Variants in NUBPL observed in about 807,000 individuals in gnomAD.
NUBPL encodes the protein iron-sulfur cluster transfer protein NUBPL.
A neutral mutation model predicts 45.7 loss-of-function variants in NUBPL; 31 were observed. The observed-to-expected ratio is 0.68, with a 90% CI of 0.51 to 0.92. The LOEUF (loss-of-function observed/expected upper bound fraction) is 0.92. Among genes scored for constraint, NUBPL ranks in the 40% least tolerant of loss-of-function variants. The pLI is 0.00. For missense variants in NUBPL, 401 were observed against 398.7 expected (o/e 1.01, Z -0.05); for synonymous variants, 144 against 140.9 (o/e 1.02, Z -0.15).
chr14:31,663,507 A>G (rs1396565164), intron 4 of NUBPL, among the ~76,000 whole-genome samples: 1 of 152,136 alleles, frequency 6.6e-6, no homozygotes, highest in Non-Finnish European at 1.5e-5. Context: ...TCCTTTTCCT[A>G]TTGCCTGTTT....
intron 7 of NUBPL, among the ~76,000 whole-genome samples, chr14:31,823,654 G>A (rs1489626998): frequency 6.6e-6 from 1 of 152,088 alleles, no homozygotes; most frequent in Non-Finnish European, 1.5e-5. Flanking sequence ...CATAGAGATA[G>A]CTGAGTCCTT....
intron 6 of NUBPL, among the ~76,000 whole-genome samples, chr14:31,678,799 C>CT (rs2036760935): frequency 6.6e-6 from 1 of 152,208 alleles, no homozygotes; most frequent in Middle Eastern, 3.4e-3. Context: ...TGGCTGGTGT[C>CT]TTAGTAGGTT....
At chr14:31,826,521 TAA>T (rs766710415) in intron 7 of NUBPL, 106 bp from the exon 8 acceptor site, 50 of 925,958 alleles carry the variant, frequency 5.4e-5, no homozygotes, top group Non-Finnish European at 8.0e-5. Flanking sequence ...ATGAATGACC[TAA>T]ATAGTTAACG....
intron 4 of NUBPL, among the ~76,000 whole-genome samples, chr14:31,612,371 AGGTGC>A (rs1248144610): frequency 2.0e-5 from 3 of 152,236 alleles, no homozygotes; most frequent in Non-Finnish European, 4.4e-5. Flanking sequence ...GCATATGAAA[AGGTGC>A]TCAACAGGCT....
chr14:31,653,188 A>T (rs189125803), intron 4 of NUBPL, among the ~76,000 whole-genome samples: 3 of 152,348 alleles, frequency 2.0e-5, no homozygotes, highest in African/African-American at 7.2e-5. Flanking sequence ...ATGAGGTTCT[A>T]TGGTCAGCTG....
intron 3 of NUBPL, among the ~76,000 whole-genome samples, chr14:31,595,650 T>G (rs2034262616): frequency 6.6e-6 from 1 of 152,190 alleles, no homozygotes. Flanking sequence ...TCTAACAGTG[T>G]AAAACTGGAA....
chr14:31,763,778 G>A (rs1363849668), intron 6 of NUBPL, among the ~76,000 whole-genome samples: 1 of 152,112 alleles, frequency 6.6e-6, no homozygotes, highest in Non-Finnish European at 1.5e-5. Context: ...GTTTGATGCA[G>A]TTTTGCAAAA....
intron 6 of NUBPL, among the ~76,000 whole-genome samples, chr14:31,700,581 C>T (rs2037309729): frequency 6.6e-6 from 1 of 152,072 alleles, no homozygotes; most frequent in Admixed American, 6.5e-5. Flanking sequence ...TGCATGTGGC[C>T]CTTGCAGGCC....
Position 31,561,421 on chromosome 14 carries a change from C to G in NUBPL, c.-19C>G, listed in dbSNP as rs779738320. 3.7e-6 allele frequency: 5 copies of G among 1,361,570 alleles called. No homozygotes were observed. Among genetic ancestry groups the G allele is most frequent in the Non-Finnish European group, 4.8e-6 (5 of 1,041,702 alleles). 84.3% of individuals were successfully genotyped at this position (1,361,570 alleles called of 1,614,324 possible). On this transcript the variant is annotated 5_prime_UTR_variant, in exon 1 of 11. Transcript: ENST00000281081. ...CCCGCGACAGTTTCCCAGCAGGGCTCACAGCAGCGTTCCGCGTCATGGGGA... is the reference window on the plus strand; with the variant it reads ...CCCGCGACAGTTTCCCAGCAGGGCTGACAGCAGCGTTCCGCGTCATGGGGA...
At chr14:31,575,109 T>C (rs887305637) in intron 3 of NUBPL, among the ~76,000 whole-genome samples, 2 of 152,340 alleles carry the variant, frequency 1.3e-5, no homozygotes, top group African/African-American at 4.8e-5. Context: ...TCTTCCTAGA[T>C]GTACTGCTTT....
intron 8 of NUBPL, chr14:31,845,759 C>T (rs1370202841): frequency 2.0e-5 from 3 of 151,738 alleles, no homozygotes; most frequent in Non-Finnish European, 2.9e-5. Flanking sequence ...CAGCACCTGG[C>T]ATACAACAAA....
intron 6 of NUBPL, among the ~76,000 whole-genome samples, chr14:31,765,793 A>G (rs1337438983): frequency 2.0e-5 from 3 of 152,216 alleles, no homozygotes; most frequent in African/African-American, 7.2e-5. Context: ...AGTCATGTGA[A>G]CTTGAAAAGC....
intron 4 of NUBPL, among the ~76,000 whole-genome samples, chr14:31,641,313 C>T (rs12437209): frequency 0.3 from 44,888 of 152,002 alleles, 7,495 homozygotes; most frequent in South Asian, 0.41. Context: ...CTCTTCATCA[C>T]TCCCTTACCC....
At chr14:31,645,849 T>G (rs116137136) in intron 4 of NUBPL, among the ~76,000 whole-genome samples, 1 of 149,334 alleles carries the variant, frequency 6.7e-6, no homozygotes, top group African/African-American at 2.5e-5. Context: ...CAGGTTCTTA[T>G]AGCTATTACT....
intron 6 of NUBPL, among the ~76,000 whole-genome samples, chr14:31,686,350 A>C (rs2036952527): frequency 6.6e-6 from 1 of 152,224 alleles, no homozygotes; most frequent in South Asian, 2.1e-4. Context: ...AAAATTGGAG[A>C]GATCAAATAT....
chr14:31,681,681 A>AT (rs1240271232), intron 6 of NUBPL, among the ~76,000 whole-genome samples: 50 of 152,190 alleles, frequency 3.3e-4, no homozygotes, highest in African/African-American at 1.2e-3. Context: ...AGTTAAGGCT[A>AT]TAAATTTATC....
chr14:31,786,478 T>A (rs1314225476), intron 6 of NUBPL, among the ~76,000 whole-genome samples: 1 of 152,354 alleles, frequency 6.6e-6, no homozygotes, highest in South Asian at 2.1e-4. Context: ...GTGCACATTT[T>A]ACTGTCTTCA....
At chr14:31,785,509 A>G (rs373200384) in intron 6 of NUBPL, among the ~76,000 whole-genome samples, 4 of 152,200 alleles carry the variant, frequency 2.6e-5, no homozygotes, top group East Asian at 3.9e-4. Context: ...CGCTTGAATC[A>G]TCCTGAAACT....
intron 6 of NUBPL, among the ~76,000 whole-genome samples, chr14:31,685,701 A>G (rs2036937183): frequency 6.6e-6 from 1 of 152,176 alleles, no homozygotes; most frequent in Non-Finnish European, 1.5e-5. Flanking sequence ...TTTGGAATAG[A>G]AAAAAAGGGC....
Sources: allele counts gnomAD v4.1 joint callset (sites outside exome capture counted in the v4.1 genomes callset), GRCh38; gene constraint gnomAD v4.1.1; transcripts MANE v1.5; gene names NCBI Gene and HGNC (gene_info 2026-07-23, HGNC 2026-07-21).